IQCH: variants seen among roughly 807,000 people sequenced by gnomAD.
The protein encoded by IQCH is IQ domain-containing protein H.
A neutral mutation model predicts 117.0 loss-of-function variants in IQCH; 98 were observed. That is an observed-to-expected ratio of 0.84 (90% CI 0.71 to 0.99). The LOEUF (loss-of-function observed/expected upper bound fraction) is 0.99, where lower values mean the gene tolerates loss of function less well. IQCH is among the 50% of genes least tolerant of loss of function. IQCH has a pLI of 0.00. For synonymous variants in IQCH, 412 were observed against 448.2 expected, an observed-to-expected ratio of 0.92 and a Z score of 1.02; for missense variants, 1,102 against 1,243.8, an observed-to-expected ratio of 0.89 and a Z score of 1.72.
intron 3 of IQCH, among the ~76,000 whole-genome samples, chr15:67,269,694 A>G (rs1965820481): frequency 4.0e-5 from 1 of 24,896 alleles, no homozygotes; most frequent in Non-Finnish European, 7.3e-5. Flanking sequence ...TATTCATGAG[A>G]TCCACTTTTT....
chr15:67,267,096 G>A (rs1965708181), intron 3 of IQCH, among the ~76,000 whole-genome samples: 1 of 152,214 alleles, frequency 6.6e-6, no homozygotes, highest in South Asian at 2.1e-4. Flanking sequence ...CCACTCTCAG[G>A]TTGCCTCCAA....
intron 12 of IQCH, among the ~76,000 whole-genome samples, chr15:67,392,828 G>C (rs912633106): frequency 5.3e-5 from 8 of 149,980 alleles, no homozygotes; most frequent in African/African-American, 2.0e-4. Context: ...GGTAGAAAAG[G>C]CATATCGCAT....
At chr15:67,482,875 A>G (rs979704021) in intron 18 of IQCH, among the ~76,000 whole-genome samples, 3 of 152,224 alleles carry the variant, frequency 2.0e-5, no homozygotes, top group African/African-American at 7.2e-5. Flanking sequence ...AGTAGACTGC[A>G]GTTGCCTGGG....
In IQCH at chr15:67,475,845, G is replaced by A. The variant is rs146302522; in HGVS notation, c.2799+27G>A. ...TATGAAGGGTTACAGTTGGCCAGGG[G>A]CGGCCAAAGACATGCCTGTGGGTGA... is the stretch of plus-strand genomic sequence containing the variant. On this transcript the variant is annotated intron_variant, in intron 18 of 20. Transcript: ENST00000335894. This position sits in a 1 kb window ranked among gnomAD's most constrained non-coding sequence, Gnocchi z 5.7. 5.0e-6 allele frequency: 8 copies of A among 1,608,478 alleles called. No homozygotes were observed. The East Asian group carries it at 1.8e-4, about 36-fold the overall frequency.
chr15:67,394,754 A>T (rs1971403855), intron 12 of IQCH, among the ~76,000 whole-genome samples: 1 of 152,208 alleles, frequency 6.6e-6, no homozygotes, highest in South Asian at 2.1e-4. Flanking sequence ...GTTGCCTAGA[A>T]CCATGATAAT....
In IQCH at chr15:67,356,005, G is replaced by C. The variant is rs1969876646; in HGVS notation, c.638-1340G>C. Reference sequence around the variant, plus strand: ...CTCAGCTGCTATTTTGTTTGAACATGGGAATTTAGCCATAAATCTCACTTT... The same window carrying C: ...CTCAGCTGCTATTTTGTTTGAACATCGGAATTTAGCCATAAATCTCACTTT... On this transcript the variant is annotated intron_variant, in intron 6 of 20. Coordinates refer to ENST00000335894, the MANE Select transcript of IQCH (RefSeq NM_001031715.3). The surrounding 1 kb of genome is among the most constrained non-coding windows in gnomAD (Gnocchi z 5.3). Among the ~76,000 whole-genome samples, 1 of 152,096 alleles carries C rather than the reference G, an allele frequency of 6.6e-6. No individual in the cohort carries two copies.
At chr15:67,482,778 A>T (rs889673021) in intron 18 of IQCH, among the ~76,000 whole-genome samples, 2 of 152,318 alleles carry the variant, frequency 1.3e-5, no homozygotes, top group African/African-American at 4.8e-5. Context: ...TACGTGGGAA[A>T]CGGGCCTGAG....
intron 13 of IQCH, 44 bp from the exon 14 acceptor site, chr15:67,400,070 G>T (rs1281529382): frequency 6.6e-7 from 1 of 1,523,968 alleles, no homozygotes; most frequent in Non-Finnish European, 9.0e-7. Flanking sequence ...AGGAATCCCA[G>T]GAAATGAACT....
At position 67,376,857 on chromosome 15, in the gene IQCH, G is replaced by A. The variant is rs571030305; in HGVS notation, c.1372+3424G>A. Among the ~76,000 whole-genome samples the A allele has an allele frequency of 1.6e-4, 25 of 152,048 alleles. No homozygotes were observed. In the East Asian group the frequency reaches 2.3e-3, roughly 14 times the overall value. ...ACTTAGGCCAGGTGTGATGGCTCAC[G>A]CCTGTAATCCCAATCCTTCAAGAGG... On this transcript the variant is annotated intron_variant, in intron 10 of 20. Transcript: ENST00000335894. This position sits in a 1 kb window ranked among gnomAD's most constrained non-coding sequence, Gnocchi z 5.0.
chr15:67,299,093 A>AG (rs1491403993), intron 4 of IQCH, among the ~76,000 whole-genome samples: 2 of 147,958 alleles, frequency 1.4e-5, no homozygotes, highest in African/African-American at 4.9e-5. Context: ...AAAAAAAAAA[A>AG]CAATGAGATC....
intron 16 of IQCH, among the ~76,000 whole-genome samples, chr15:67,437,070 G>C (rs557772149): frequency 6.6e-6 from 1 of 152,084 alleles, no homozygotes. Flanking sequence ...TCTGGAAAGC[G>C]CCACGTCCTG....
At position 67,414,074 on chromosome 15, in the gene IQCH, GCAGGGAATCCCATAA is replaced by G. The variant is rs574773061; in HGVS notation, c.2098-2856_2098-2842del. 8.5e-5 allele frequency among the ~76,000 whole-genome samples: 13 copies of G among 152,330 alleles called. No individual in the cohort carries two copies. The South Asian group carries it at 2.7e-3, about 32-fold the overall frequency. On this transcript the variant is annotated intron_variant, in intron 14 of 20. Coordinates refer to ENST00000335894, the MANE Select transcript of IQCH (RefSeq NM_001031715.3). The stretch of plus-strand genomic sequence containing the variant: ...TTTATCTTCCCGATGCCCTTCAGAG[GCAGGGAATCCCATAA>G]AGTCCGCCCAGGAAGAATTTGTGGT...
chr15:67,273,380 T>G (rs1965986475), intron 3 of IQCH, among the ~76,000 whole-genome samples: 1 of 152,192 alleles, frequency 6.6e-6, no homozygotes, highest in Non-Finnish European at 1.5e-5. Context: ...TGAGCCACCA[T>G]GCCCAGCCCA....
chr15:67,395,950 G>A lies in IQCH; in HGVS notation c.1905+387G>A, dbSNP rs1396904503. On this transcript the variant is annotated intron_variant, in intron 13 of 20. Transcript: ENST00000335894. The surrounding 1 kb of genome is among the most constrained non-coding windows in gnomAD (Gnocchi z 4.0). Reference sequence around the variant, plus strand: ...CTCCCAAAGTGCTGGGATTACCAGCGTGAGCCACTACGCCCAGCCTGAGGG... The same window carrying A: ...CTCCCAAAGTGCTGGGATTACCAGCATGAGCCACTACGCCCAGCCTGAGGG... Among the ~76,000 whole-genome samples the A allele has an allele frequency of 2.0e-5, 3 of 152,040 alleles. No homozygotes were observed. The highest frequency in any genetic ancestry group is 2.1e-4 in the South Asian group (1 of 4,818).
intron 4 of IQCH, among the ~76,000 whole-genome samples, chr15:67,319,948 T>G (rs1567093258): frequency 6.6e-6 from 1 of 152,194 alleles, no homozygotes; most frequent in Non-Finnish European, 1.5e-5. Flanking sequence ...ACTAAATGAG[T>G]TAAATTTTTT....
chr15:67,337,390 A>C (rs984415687), intron 5 of IQCH, among the ~76,000 whole-genome samples: 2 of 152,192 alleles, frequency 1.3e-5, no homozygotes, highest in African/African-American at 4.8e-5. Flanking sequence ...ATAGCATTAG[A>C]ATTTATTAAG....
chr15:67,405,872 TC>T lies in IQCH; in HGVS notation c.2097+5570del, dbSNP rs1971878113. 2 of 152,176 alleles carry T rather than the reference TC, an allele frequency of 1.3e-5. No homozygotes were observed. Among genetic ancestry groups the T allele is most frequent in the African/African-American group, 4.8e-5 (2 of 41,430 alleles). 9.4% of individuals were successfully genotyped at this position (152,176 alleles called of 1,614,324 possible). On this transcript the variant is annotated intron_variant, in intron 14 of 20. Transcript: ENST00000335894. The surrounding 1 kb of genome is among the most constrained non-coding windows in gnomAD (Gnocchi z 4.8). The stretch of plus-strand genomic sequence containing the variant: ...CAGAGGCCACTGCTCTCAAATTTCT[TC>T]CCTTTCCTAGATAACAGAAGAGCTG...
chr15:67,313,620 A>T (rs8033819), intron 4 of IQCH, among the ~76,000 whole-genome samples: 11 of 152,142 alleles, frequency 7.2e-5, no homozygotes, highest in Non-Finnish European at 1.5e-4. Flanking sequence ...TGAGAGTAAC[A>T]GAGGATGGCT....
chr15:67,474,024 C>T lies in IQCH; in HGVS notation c.2677-1672C>T, dbSNP rs1187233567. Among the ~76,000 whole-genome samples, 1 of 150,878 alleles carries T rather than the reference C, an allele frequency of 6.6e-6. No individual in the cohort carries two copies. Among genetic ancestry groups the T allele is most frequent in the Non-Finnish European group, 1.5e-5 (1 of 67,840 alleles). ...TTGAAGAAAAACATGCTCCCCCCAT[C>T]ATGTGTGAGGGGAGCATGTCACCAA... On this transcript the variant is annotated intron_variant, in intron 17 of 20. Coordinates refer to ENST00000335894, the MANE Select transcript of IQCH (RefSeq NM_001031715.3). This position sits in a 1 kb window ranked among gnomAD's most constrained non-coding sequence, Gnocchi z 4.1.
Sources: allele counts gnomAD v4.1 joint callset (sites outside exome capture counted in the v4.1 genomes callset), GRCh38; gene constraint gnomAD v4.1.1; non-coding constraint Gnocchi (gnomAD v3.1); transcripts MANE v1.5; gene names NCBI Gene and HGNC (gene_info 2026-07-23, HGNC 2026-07-21).